SEMA5A: variants seen among roughly 807,000 people sequenced by gnomAD.
SEMA5A encodes the protein semaphorin 5A.
A neutral mutation model predicts 135.5 loss-of-function variants in SEMA5A; 55 were observed. The ratio of observed to expected loss-of-function variants is 0.41; its 90% CI spans 0.33 to 0.51. The LOEUF (loss-of-function observed/expected upper bound fraction) is 0.51. Ranked by LOEUF, SEMA5A falls within the 20% of genes least tolerant of loss-of-function variation. The probability of loss-of-function intolerance (pLI) is 0.37; values close to 1 mark genes in which losing one functional copy is unlikely to be tolerated. For missense variants in SEMA5A, 1,290 were observed against 1,419.9 expected, an observed-to-expected ratio of 0.91 and a Z score of 1.47; for synonymous variants, 580 against 546.5, an observed-to-expected ratio of 1.06 and a Z score of -0.85.
intron 3 of SEMA5A, among the ~76,000 whole-genome samples, chr5:9,378,856 G>T (rs1289808517): frequency 6.6e-6 from 1 of 152,018 alleles, no homozygotes; most frequent in Non-Finnish European, 1.5e-5. Context: ...TTGTTTGTTT[G>T]TTTGCTGTGA....
At chr5:9,475,551 AG>A (rs1358317935) in intron 1 of SEMA5A, among the ~76,000 whole-genome samples, 1 of 152,214 alleles carries the variant, frequency 6.6e-6, no homozygotes, top group Non-Finnish European at 1.5e-5. Context: ...ATTTCATAAA[AG>A]TTTTCAAATG....
At chr5:9,195,803 A>G (rs1321041809) in intron 10 of SEMA5A, among the ~76,000 whole-genome samples, 1 of 152,260 alleles carries the variant, frequency 6.6e-6, no homozygotes, top group Non-Finnish European at 1.5e-5. Flanking sequence ...AGTAAAGTAT[A>G]AAATCACTGA....
At chr5:9,282,637 G>A (rs975910054) in intron 5 of SEMA5A, among the ~76,000 whole-genome samples, 9 of 152,100 alleles carry the variant, frequency 5.9e-5, no homozygotes. Flanking sequence ...GGTTCACGGA[G>A]GCATCATGCA....
intron 16 of SEMA5A, among the ~76,000 whole-genome samples, chr5:9,076,278 C>A (rs1738054592): frequency 6.6e-6 from 1 of 151,114 alleles, no homozygotes; most frequent in Non-Finnish European, 1.5e-5. Flanking sequence ...CTGAAGGTCA[C>A]TATCTTTAGT....
At chr5:9,207,102 G>GTGTATATATATATATATATATA (rs1405308378) in intron 8 of SEMA5A, among the ~76,000 whole-genome samples, 9 of 97,676 alleles carry the variant, frequency 9.2e-5, no homozygotes, top group African/African-American at 3.1e-4. Context: ...ATGATCAAGT[G>GTGTATATATATATATATATATA]TATATATATA....
chr5:9,081,223 C>G (rs927116864), intron 16 of SEMA5A, among the ~76,000 whole-genome samples: 1 of 152,158 alleles, frequency 6.6e-6, no homozygotes, highest in Non-Finnish European at 1.5e-5. Flanking sequence ...GAACCCTGAG[C>G]CACAGAAAAG....
chr5:9,263,192 T>C (rs1404793697), intron 5 of SEMA5A, among the ~76,000 whole-genome samples: 2 of 152,230 alleles, frequency 1.3e-5, no homozygotes, highest in African/African-American at 2.4e-5. Context: ...GAAAGAAAAA[T>C]TCCCATTCCC....
At chr5:9,103,247 C>G (rs910722866) in intron 16 of SEMA5A, among the ~76,000 whole-genome samples, 1 of 152,108 alleles carries the variant, frequency 6.6e-6, no homozygotes, top group Non-Finnish European at 1.5e-5. Flanking sequence ...ACGAGACGAC[C>G]TTCCCCAAAG....
chr5:9,133,446 G>A (rs1741548987), intron 13 of SEMA5A, among the ~76,000 whole-genome samples: 1 of 152,086 alleles, frequency 6.6e-6, no homozygotes, highest in African/African-American at 2.4e-5. Flanking sequence ...CTTATCTAAA[G>A]TGTATCTTGA....
chr5:9,168,930 A>G (rs1743761070), intron 11 of SEMA5A, among the ~76,000 whole-genome samples: 1 of 152,200 alleles, frequency 6.6e-6, no homozygotes, highest in Non-Finnish European at 1.5e-5. Flanking sequence ...CATTACCCAA[A>G]GAGTTACATT....
intron 2 of SEMA5A, among the ~76,000 whole-genome samples, chr5:9,419,761 AT>A (rs1388355968): frequency 6.6e-6 from 1 of 152,266 alleles, no homozygotes; most frequent in East Asian, 1.9e-4. Context: ...GGAGCATTCC[AT>A]TTTTTTCTCA....
At chr5:9,479,752 T>C (rs771898944) in intron 1 of SEMA5A, among the ~76,000 whole-genome samples, 28 of 152,192 alleles carry the variant, frequency 1.8e-4, no homozygotes, top group Admixed American at 4.6e-4. Flanking sequence ...GAATCATGTA[T>C]ACAACCTGTT....
intron 5 of SEMA5A, among the ~76,000 whole-genome samples, chr5:9,284,933 G>A (rs1750727359): frequency 6.6e-6 from 1 of 152,164 alleles, no homozygotes; most frequent in South Asian, 2.1e-4. Flanking sequence ...TGATAACACA[G>A]GAAGGGGGCA....
chr5:9,402,900 G>A (rs1241978944), intron 2 of SEMA5A, among the ~76,000 whole-genome samples: 1 of 152,038 alleles, frequency 6.6e-6, no homozygotes, highest in Non-Finnish European at 1.5e-5. Flanking sequence ...GGAACTTCTG[G>A]ACTTGGTCTT....
In SEMA5A at chr5:9,444,841, TC is replaced by T. The variant is rs111948325; in HGVS notation, c.-174-6990del. Among the ~76,000 whole-genome samples, 286 of 152,266 alleles carry T rather than the reference TC, an allele frequency of 1.9e-3. 1 individual carries two copies. The highest frequency in any genetic ancestry group is 5.8e-3 in the African/African-American group (240 of 41,552). On this transcript the variant is annotated intron_variant, in intron 1 of 22. Transcript: ENST00000382496. ...TCTTTCTTAAGGATGTTCCTTTGCC[TC>T]TTGGTTTGCCCGCACCGGCCTGAAT...
chr5:9,126,767 C>T (rs1172708625), intron 13 of SEMA5A, among the ~76,000 whole-genome samples: 1 of 152,102 alleles, frequency 6.6e-6, no homozygotes, highest in African/African-American at 2.4e-5. Flanking sequence ...GAGGGGGTCT[C>T]GGACTACAGG....
chr5:9,315,123 A>G (rs554674748), intron 5 of SEMA5A, among the ~76,000 whole-genome samples: 10 of 152,284 alleles, frequency 6.6e-5, no homozygotes, highest in African/African-American at 1.9e-4. Context: ...TTTTGCATCT[A>G]TTTATTTGGA....
rs778831946 is a variant in SEMA5A, at chr5:9,137,340, G to T, written c.1482-719C>A. On this transcript the variant is annotated intron_variant, in intron 12 of 22. Coordinates refer to ENST00000382496, the MANE Select transcript of SEMA5A (RefSeq NM_003966.3). ...CTATAATATCCTACATATGATATCA[G>T]AAGTATTTTAGATGGCGGATATTTT... Among the ~76,000 whole-genome samples the T allele has an allele frequency of 5.9e-5, 9 of 152,140 alleles. No homozygotes were observed. In the East Asian group the frequency reaches 1.7e-3, roughly 29 times the overall value.
chr5:9,183,718 T>C (rs975078749), intron 11 of SEMA5A, among the ~76,000 whole-genome samples: 3 of 152,226 alleles, frequency 2.0e-5, no homozygotes, highest in African/African-American at 7.2e-5. Context: ...TATTGCTTCT[T>C]CCTCAGATAG....
Sources: gnomAD v4.1 joint callset for allele counts (sites outside exome capture counted in the v4.1 genomes callset) on GRCh38, gnomAD v4.1.1 for gene constraint, MANE v1.5 for transcripts, NCBI Gene and HGNC (gene_info 2026-07-23, HGNC 2026-07-21) for gene names.